Variants in SIK3 observed in about 807,000 individuals in gnomAD.
The protein encoded by SIK3 is SIK family kinase 3, also known as serine/threonine-protein kinase SIK3.
SIK3 carries 28 observed loss-of-function variants against 144.2 expected under a neutral mutation model. The ratio of observed to expected loss-of-function variants is 0.19; its 90% CI spans 0.14 to 0.27. The LOEUF is 0.27. Among genes scored for constraint, SIK3 ranks in the 10% least tolerant of loss-of-function variants. The probability of loss-of-function intolerance (pLI) is 1.00; values close to 1 mark genes in which losing one functional copy is unlikely to be tolerated. For missense variants in SIK3, 1,319 were observed against 1,776.0 expected, an observed-to-expected ratio of 0.74 and a Z score of 4.62; for synonymous variants, 686 against 676.3, an observed-to-expected ratio of 1.01 and a Z score of -0.22.
chr11:116,855,030 G>A (rs1942767870), intron 21 of SIK3, among the ~76,000 whole-genome samples: 1 of 137,342 alleles, frequency 7.3e-6, no homozygotes, highest in Non-Finnish European at 1.5e-5. Context: ...AGGTTGCAGT[G>A]AGCCGAGATC....
intron 1 of SIK3, among the ~76,000 whole-genome samples, chr11:117,070,323 T>C (rs1954206181): frequency 6.6e-6 from 1 of 152,216 alleles, no homozygotes; most frequent in African/African-American, 2.4e-5. Flanking sequence ...TGGTCGCTAC[T>C]GCCTGTAATC....
intron 3 of SIK3, among the ~76,000 whole-genome samples, chr11:116,943,660 G>A (rs1256906444): frequency 1.3e-5 from 2 of 152,056 alleles, no homozygotes; most frequent in East Asian, 1.9e-4. Context: ...ACATCAATGA[G>A]GATAACTTAT....
chr11:116,982,794 A>C (rs1033202725), intron 1 of SIK3, among the ~76,000 whole-genome samples: 2 of 151,682 alleles, frequency 1.3e-5, no homozygotes, highest in Admixed American at 1.3e-4. Flanking sequence ...AAATGCAAAA[A>C]TTAGCTGAGC....
At chr11:116,848,382 G>C (rs1478973641) in intron 22 of SIK3, among the ~76,000 whole-genome samples, 4 of 152,086 alleles carry the variant, frequency 2.6e-5, no homozygotes, top group African/African-American at 9.7e-5. Context: ...AGTGTAACTG[G>C]TGTGACTGAG....
intron 3 of SIK3, among the ~76,000 whole-genome samples, chr11:116,947,086 T>C (rs959232447): frequency 2.7e-5 from 2 of 73,798 alleles, no homozygotes; most frequent in Admixed American, 1.4e-4. Flanking sequence ...CACTCCAGCA[T>C]GGCCACAGAG....
chr11:117,024,657 C>T (rs1240841267), intron 1 of SIK3, among the ~76,000 whole-genome samples: 8 of 152,072 alleles, frequency 5.3e-5, no homozygotes, highest in African/African-American at 1.4e-4. Context: ...CCCAGCACTT[C>T]GGGAGGCCAA....
intron 1 of SIK3, among the ~76,000 whole-genome samples, chr11:117,018,459 T>C (rs1951626654): frequency 6.6e-6 from 1 of 152,202 alleles, no homozygotes; most frequent in African/African-American, 2.4e-5. Context: ...CTTAAAATAC[T>C]GTTGACTTCA....
At chr11:117,025,046 G>A (rs1951953322) in intron 1 of SIK3, among the ~76,000 whole-genome samples, 1 of 152,096 alleles carries the variant, frequency 6.6e-6, no homozygotes, top group South Asian at 2.1e-4. Context: ...TCATACTAAA[G>A]GGACACAAAC....
At chr11:117,026,145 T>C (rs1160624363) in intron 1 of SIK3, among the ~76,000 whole-genome samples, 1 of 152,174 alleles carries the variant, frequency 6.6e-6, no homozygotes, top group African/African-American at 2.4e-5. Context: ...TAACGCTGTA[T>C]TTATACTGCA....
At chr11:117,056,542 TATAG>T (rs1392445911) in intron 1 of SIK3, among the ~76,000 whole-genome samples, 29 of 16,198 alleles carry the variant, frequency 1.8e-3, no homozygotes, top group South Asian at 7.5e-3. Context: ...TATAGATAGA[TATAG>T]ATATAGATAT....
At chr11:117,067,496 AGTG>A (rs1954073336) in intron 1 of SIK3, among the ~76,000 whole-genome samples, 1 of 152,176 alleles carries the variant, frequency 6.6e-6, no homozygotes, top group Non-Finnish European at 1.5e-5. Flanking sequence ...ACAGCAAATC[AGTG>A]GTTTTCTGGA....
intron 4 of SIK3, among the ~76,000 whole-genome samples, chr11:116,913,237 C>A (rs1207648171): frequency 6.6e-6 from 1 of 151,838 alleles, no homozygotes; most frequent in East Asian, 1.9e-4. Context: ...AGAAGTAATG[C>A]CAAAAACTCC....
Position 116,858,442 on chromosome 11 carries a change from G to C in SIK3, c.3023C>G (p.Thr1008Arg). The C allele has an allele frequency of 6.2e-7, 1 of 1,607,580 alleles. No individual in the cohort carries two copies. The highest frequency in any genetic ancestry group is 8.5e-7 in the Non-Finnish European group (1 of 1,176,036). Reference protein sequence around the residue: ...ALLSPTPPDYTRHQQVPHILQ... With the variant: ...ALLSPTPPDYRRHQQVPHILQ... The stretch of plus-strand genomic sequence containing the variant: ...GATGTGGGGTACCTGCTGGTGTCTT[G>C]TATAGTCTGGCGGCGTGGGAGACAG... The change falls in exon 21 of 25, where the codon ACA becomes AGA. Residue 1008 changes from threonine (T) to arginine (R), a missense_variant. By Grantham distance (71) the Thr-to-Arg change is moderately conservative (BLOSUM62 -1). Around this residue, in one of 8 missense-constraint regions of SIK3, gnomAD observed 646 missense variants for 763.7 expected, o/e 0.85. Transcript: ENST00000445177. This position sits in a 1 kb window ranked among gnomAD's most constrained non-coding sequence, Gnocchi z 5.4.
rs1943119593 is a variant in SIK3, at chr11:116,858,608, T to C, written c.2857A>G (p.Ser953Gly). The change falls in exon 21 of 25, where the codon AGC (serine) becomes GGC (glycine). Residue 953 changes from serine (S) to glycine (G), a missense_variant. This residue lies in a region of SIK3 where 646 missense variants were observed against 763.7 expected (regional missense o/e 0.85). Coordinates refer to ENST00000445177, the MANE Select transcript of SIK3 (RefSeq NM_001366686.3). The surrounding 1 kb of genome is among the most constrained non-coding windows in gnomAD (Gnocchi z 5.4). ...CCCACTCCTGTTGAAGGGCTGTAGCTGCTGGGGGAACCCCGGGACTGGTCC... is the reference window on the plus strand; with the variant it reads ...CCCACTCCTGTTGAAGGGCTGTAGCCGCTGGGGGAACCCCGGGACTGGTCC... ...FSDQSRGSPSSYSPSTGVGFS... is the reference protein window; with the variant it reads ...FSDQSRGSPSGYSPSTGVGFS... 2 of 1,612,394 alleles carry C rather than the reference T, an allele frequency of 1.2e-6. No individual in the cohort carries two copies. Among genetic ancestry groups the C allele is most frequent in the African/African-American group, 2.7e-5 (2 of 74,860 alleles).
At chr11:116,929,730 T>A (rs760514245) in intron 3 of SIK3, among the ~76,000 whole-genome samples, 1 of 152,242 alleles carries the variant, frequency 6.6e-6, no homozygotes, top group Non-Finnish European at 1.5e-5. Context: ...GGAATAAACG[T>A]GTACTCTGAT....
At chr11:117,075,273 CCCT>C (rs1954462119) in intron 1 of SIK3, among the ~76,000 whole-genome samples, 3 of 152,116 alleles carry the variant, frequency 2.0e-5, no homozygotes, top group Non-Finnish European at 2.9e-5. Flanking sequence ...CCTAATAGTT[CCCT>C]AAATGGGGTA....
At chr11:116,999,718 C>T (rs189604238) in intron 1 of SIK3, among the ~76,000 whole-genome samples, 10 of 152,234 alleles carry the variant, frequency 6.6e-5, no homozygotes, top group African/African-American at 2.4e-4. Flanking sequence ...AGCCACTGCA[C>T]CCAGCCCATT....
chr11:117,064,311 C>G (rs1263896783), intron 1 of SIK3, among the ~76,000 whole-genome samples: 1 of 152,148 alleles, frequency 6.6e-6, no homozygotes, highest in East Asian at 1.9e-4. Flanking sequence ...TCCTATACCC[C>G]TACAACTTTT....
intron 7 of SIK3, 84 bp downstream of exon 7, chr11:116,876,840 G>A: frequency 9.0e-7 from 1 of 1,116,336 alleles, no homozygotes; most frequent in South Asian, 1.3e-5. Context: ...CCGCCTTTCA[G>A]GTTATGGCCT....
Sources: allele counts gnomAD v4.1 joint callset (sites outside exome capture counted in the v4.1 genomes callset), GRCh38; gene constraint gnomAD v4.1.1; regional missense constraint gnomAD v4.1.1; non-coding constraint Gnocchi (gnomAD v3.1); transcripts MANE v1.5; gene names NCBI Gene and HGNC (gene_info 2026-07-23, HGNC 2026-07-21).